OSGIN1: variants seen among roughly 807,000 people sequenced by gnomAD.
OSGIN1 encodes the protein oxidative stress-induced growth inhibitor 1.
OSGIN1 carries 19 observed loss-of-function variants against 20.1 expected under a neutral mutation model. The ratio of observed to expected loss-of-function variants is 0.95; its 90% CI spans 0.66 to 1.39. The LOEUF (loss-of-function observed/expected upper bound fraction) is 1.39. OSGIN1 is among the 40% of genes most tolerant of loss of function. The pLI, the probability that OSGIN1 is intolerant of heterozygous loss-of-function variation, is 0.00. For synonymous variants in OSGIN1, 368 were observed against 297.8 expected (o/e 1.24, Z -2.43); for missense variants, 820 against 653.0 (o/e 1.26, Z -2.79).
chr16:83,957,815 G>A, intron 2 of OSGIN1, 77 bp downstream of exon 2: 1 of 642,544 alleles, frequency 1.6e-6, no homozygotes, highest in South Asian at 2.0e-5. Context: ...GCAGGAGCTG[G>A]GCAAGTCCAG....
At position 83,956,424 on chromosome 16, in the gene OSGIN1, C is replaced by A. The variant is rs1323842739; in HGVS notation, c.-32-1216C>A. The stretch of plus-strand genomic sequence containing the variant: ...CTGGAAGAATTCTGGAGGCAGGTGG[C>A]CCTGGGCCCCCACCCCTGGCCACTC... On this transcript the variant is annotated intron_variant, in intron 1 of 5. Transcript: ENST00000393306. 6.6e-5 allele frequency among the ~76,000 whole-genome samples: 10 copies of A among 152,296 alleles called. No individual in the cohort carries two copies. In the East Asian group the frequency reaches 1.7e-3, roughly 27 times the overall value.
At chr16:83,964,999 T>TCCCCC in intron 5 of OSGIN1, 63 bp from the exon 6 acceptor site, 2 of 645,906 alleles carry the variant, frequency 3.1e-6, no homozygotes, top group African/African-American at 3.7e-5. Context: ...ACATCTCCCG[T>TCCCCC]CCCACCCAGC....
At chr16:83,958,730 C>G (rs1355932276) in intron 2 of OSGIN1, among the ~76,000 whole-genome samples, 3 of 152,218 alleles carry the variant, frequency 2.0e-5, no homozygotes, top group Non-Finnish European at 4.4e-5. Flanking sequence ...GCAGCAGACC[C>G]AACAGGCGGC....
intron 1 of OSGIN1, among the ~76,000 whole-genome samples, chr16:83,955,911 T>C (rs1250022706): frequency 1.3e-5 from 2 of 152,144 alleles, no homozygotes; most frequent in African/African-American, 4.8e-5. Flanking sequence ...AGGCTGTCCC[T>C]GGCCCCCACG....
chr16:83,961,138 G>T, intron 5 of OSGIN1, 66 bp downstream of exon 5: 3 of 1,239,414 alleles, frequency 2.4e-6, no homozygotes, highest in South Asian at 1.2e-5. Context: ...GAAAATCTGA[G>T]ACAGGTCTCA....
rs778309063 is a variant in OSGIN1, at chr16:83,965,291, C to A, written c.718C>A (p.Arg240Ser). Residue 240 changes from arginine to serine, a missense_variant, in exon 6 of 6, where the codon CGC (arginine) becomes AGC (serine). Arg to Ser is a moderately radical substitution (Grantham distance 110). Transcript: ENST00000393306. ...CCAGCAGCCCTTCTCGCTGTGGGCC[C>A]GCAACGTGGTCCTCGCCACAGGCAC... ...QAQQPFSLWA[R>S]NVVLATGTFD... 2 of 1,600,968 alleles carry A rather than the reference C, an allele frequency of 1.2e-6. No homozygotes were observed. The highest frequency in any genetic ancestry group is 3.4e-5 in the Admixed American group (2 of 59,386).
rs749766717 is a variant in OSGIN1, at chr16:83,965,794, G to A, written c.1221G>A (p.Gly407=). ...GSHPDLSFLP[G]AGADFAVDPD... Reference sequence around the variant, plus strand: ...ACCCCGACCTCTCCTTCCTGCCTGGGGCAGGGGCTGACTTTGCAGTGGATC... The same window carrying A: ...ACCCCGACCTCTCCTTCCTGCCTGGAGCAGGGGCTGACTTTGCAGTGGATC... Residue 407 remains glycine, a synonymous_variant, in exon 6 of 6, where the codon GGG becomes GGA. Coordinates refer to ENST00000393306, the MANE Select transcript of OSGIN1 (RefSeq NM_182981.3). 1 of 1,613,114 alleles carries A rather than the reference G, an allele frequency of 6.2e-7. No individual in the cohort carries two copies. The highest frequency in any genetic ancestry group is 1.3e-5 in the African/African-American group (1 of 75,040).
intron 1 of OSGIN1, among the ~76,000 whole-genome samples, chr16:83,955,857 G>A (rs1215250072): frequency 1.3e-5 from 2 of 152,176 alleles, no homozygotes; most frequent in Non-Finnish European, 2.9e-5. Context: ...GGGAGGAGGA[G>A]GTCTTCGGTG....
intron 1 of OSGIN1, among the ~76,000 whole-genome samples, chr16:83,954,998 C>G (rs1487037855): frequency 6.6e-6 from 1 of 152,116 alleles, no homozygotes; most frequent in Non-Finnish European, 1.5e-5. Flanking sequence ...GATCAAATAT[C>G]AGTTCCATCG....
rs748201641 is a variant in OSGIN1, at chr16:83,965,946, A to AG, written c.1379dup (p.Ala461ArgfsTer73). ...GGGGACAACTTCGTGAGGTTTGTGC[A>AG]GGGGGGCGCCTTGGCTGTGGCCAGC... On this transcript the variant is annotated frameshift_variant, in exon 6 of 6. Transcript: ENST00000393306. LOFTEE classifies it high-confidence loss of function. 5.6e-6 allele frequency: 9 copies of AG among 1,611,296 alleles called. No individual in the cohort carries two copies. The South Asian group carries it at 7.7e-5, about 14-fold the overall frequency.
chr16:83,959,453 C>T, intron 3 of OSGIN1, 57 bp downstream of exon 3: 3 of 1,497,040 alleles, frequency 2.0e-6, no homozygotes, highest in Non-Finnish European at 1.8e-6. Flanking sequence ...TGGAAAACTA[C>T]CGCCGCTTTC....
Position 83,957,756 on chromosome 16 carries a change from G to C in OSGIN1, c.67+18G>C. 1 of 1,480,378 alleles carries C rather than the reference G, an allele frequency of 6.8e-7. No homozygotes were observed. The highest frequency in any genetic ancestry group is 9.2e-7 in the Non-Finnish European group (1 of 1,081,436). 91.7% of individuals were successfully genotyped at this position (1,480,378 alleles called of 1,614,324 possible). On this transcript the variant is annotated intron_variant, in intron 2 of 5. Coordinates refer to ENST00000393306, the MANE Select transcript of OSGIN1 (RefSeq NM_182981.3). ...CATTGTGGGTGAGTGTCAGGCCCCAGCCAGGGAGGGGCTCCGCTGAGCCTT... is the reference window on the plus strand; with the variant it reads ...CATTGTGGGTGAGTGTCAGGCCCCACCCAGGGAGGGGCTCCGCTGAGCCTT...
rs763009325 is a variant in OSGIN1 at position 83,965,888 on chromosome 16, C to T, written c.1315C>T (p.Gln439Ter). Residue 439 changes from glutamine to a stop codon, truncating the protein, a stop_gained, in exon 6 of 6, where the codon CAG becomes TAG. Transcript: ENST00000393306. LOFTEE classifies it high-confidence loss of function. ...CCCCTTCACCTACCAGAGCACCCGC[C>T]AGGAGGGCCTGTACGCCATGGGGCC... ...VDPFTYQSTR[Q>*]EGLYAMGPLA... The T allele has an allele frequency of 6.2e-7, 1 of 1,612,918 alleles. No individual in the cohort carries two copies. Among genetic ancestry groups the T allele is most frequent in the Non-Finnish European group, 8.5e-7 (1 of 1,180,002 alleles).
chr16:83,963,763 C>A (rs1041447561), intron 5 of OSGIN1, among the ~76,000 whole-genome samples: 1 of 152,120 alleles, frequency 6.6e-6, no homozygotes, highest in African/African-American at 2.4e-5. Flanking sequence ...TCATCTTGAA[C>A]CATGAGCCCA....
chr16:83,953,335 C>T lies in OSGIN1; in HGVS notation c.-68C>T, dbSNP rs1186509368. The T allele has an allele frequency of 1.6e-6, 2 of 1,288,942 alleles. No homozygotes were observed. Among genetic ancestry groups the T allele is most frequent in the Non-Finnish European group, 2.0e-6 (2 of 988,558 alleles). The allele number at this position is 1,288,942 out of a possible 1,614,324, so 79.8% of individuals were successfully genotyped here. ...CTGACCCTCCTAGTGCACAACTTGG[C>T]CGGGCTCACTGGGCTCCTGCACCAC... On this transcript the variant is annotated 5_prime_UTR_variant, in exon 1 of 6. Coordinates refer to ENST00000393306, the MANE Select transcript of OSGIN1 (RefSeq NM_182981.3).
intron 4 of OSGIN1, 31 bp from the exon 5 acceptor site, chr16:83,960,950 G>C: frequency 3.7e-6 from 6 of 1,601,066 alleles, no homozygotes; most frequent in Non-Finnish European, 5.1e-6. Context: ...GGCGAGCAGA[G>C]GCCTGGACCA....
chr16:83,962,270 CCTCT>C (rs2084224059), intron 5 of OSGIN1, among the ~76,000 whole-genome samples: 1 of 152,014 alleles, frequency 6.6e-6, no homozygotes, highest in South Asian at 2.1e-4. Flanking sequence ...ATGAAGTCTC[CCTCT>C]GTCGCCCAGG....
chr16:83,960,841 C>T (rs1205683948), intron 4 of OSGIN1, 81 bp downstream of exon 4: 4 of 1,515,842 alleles, frequency 2.6e-6, no homozygotes, highest in East Asian at 4.6e-5. Context: ...TCTGGCATCT[C>T]CCTTTCCTCA....
chr16:83,953,637 C>G (rs1174220270), intron 1 of OSGIN1, among the ~76,000 whole-genome samples: 1 of 152,226 alleles, frequency 6.6e-6, no homozygotes, highest in Non-Finnish European at 1.5e-5. Flanking sequence ...CCCAGCGTAC[C>G]CTGGGCCATG....
Sources: allele counts gnomAD v4.1 joint callset (sites outside exome capture counted in the v4.1 genomes callset), GRCh38; gene constraint gnomAD v4.1.1; transcripts MANE v1.5; gene names NCBI Gene and HGNC (gene_info 2026-07-23, HGNC 2026-07-21).